The following ZNF329 variants were observed in gnomAD, a reference collection of about 807,000 sequenced individuals.
ZNF329 encodes the protein zinc finger protein 329.
A neutral mutation model predicts 26.6 loss-of-function variants in ZNF329; 15 were observed. That is an observed-to-expected ratio of 0.56 (90% CI 0.38 to 0.87). The LOEUF is 0.87. Ranked by LOEUF, ZNF329 falls within the 40% of genes least tolerant of loss-of-function variation. ZNF329 has a pLI of 0.00. For missense variants in ZNF329, 651 were observed against 651.9 expected (o/e 1.00, Z 0.02); for synonymous variants, 239 against 233.5 (o/e 1.02, Z -0.21).
At chr19:58,152,980 G>C (rs75402884), upstream of ZNF329, among the ~76,000 whole-genome samples, 2 of 152,130 alleles carry the variant, frequency 1.3e-5, no homozygotes, top group Non-Finnish European at 2.9e-5. Flanking sequence ...GAAGAGATGA[G>C]TAAAAGTAAT....
At chr19:58,138,403 A>T (rs1267958904) in intron 3 of ZNF329, among the ~76,000 whole-genome samples, 4 of 152,232 alleles carry the variant, frequency 2.6e-5, no homozygotes, top group Admixed American at 2.0e-4. Flanking sequence ...CATCAGAATC[A>T]TTTACTTTCA....
In ZNF329 at chr19:58,129,115, T is replaced by C. The variant is rs149812983; in HGVS notation, c.389A>G (p.Asn130Ser). The change falls in exon 4 of 4, where the codon AAC becomes AGC. Residue 130 changes from asparagine to serine, a missense_variant. Asn to Ser is a conservative substitution (Grantham distance 46, BLOSUM62 1). Transcript: ENST00000598312. ...TCCATGAATAACTTCCATGGAATGG[T>C]TGAAGCCTTTTCCACAGGCATCACT... ...GDSDACGKGF[N>S]HSMEVIHGRN... The C allele has an allele frequency of 3.7e-5, 60 of 1,613,950 alleles. No homozygotes were observed. The African/African-American group carries it at 4.4e-4, about 12-fold the overall frequency.
chr19:58,126,505 T>G lies in ZNF329; in HGVS notation c.*1373A>C, dbSNP rs2074804195. ...ATAAAACCTTTATAATGGTTCACAG[T>G]GGCTGAATTAGAAGCATCCTAAATG... On this transcript the variant is annotated 3_prime_UTR_variant, in exon 4 of 4. Coordinates refer to ENST00000598312, the MANE Select transcript of ZNF329 (RefSeq NM_024620.4). 6.6e-6 allele frequency: 1 copy of G among 152,236 alleles called. No homozygotes were observed. The highest frequency in any genetic ancestry group is 2.1e-4 in the South Asian group (1 of 4,832). 9.4% of individuals were successfully genotyped at this position (152,236 alleles called of 1,614,324 possible). A position where few individuals can be genotyped will look rare whatever the true frequency, so the allele number is the denominator to read the frequency against.
At chr19:58,147,462 GT>G (rs2075344196) in intron 1 of ZNF329, among the ~76,000 whole-genome samples, 1 of 144,506 alleles carries the variant, frequency 6.9e-6, no homozygotes, top group Admixed American at 6.7e-5. Context: ...CGTCCGGGAG[GT>G]GAGGGGCGCC....
At chr19:58,140,489 T>G (rs1162747159) in intron 3 of ZNF329, among the ~76,000 whole-genome samples, 1 of 150,454 alleles carries the variant, frequency 6.6e-6, no homozygotes, top group African/African-American at 2.5e-5. Flanking sequence ...CTCGGCTCAC[T>G]GCAAGCTCCG....
intron 1 of ZNF329, among the ~76,000 whole-genome samples, chr19:58,149,096 A>G (rs1396231717): frequency 1.3e-5 from 2 of 152,246 alleles, no homozygotes; most frequent in African/African-American, 4.8e-5. Context: ...AAAACCCACC[A>G]AAACCAAGAT....
chr19:58,144,716 T>C (rs1467745315), intron 1 of ZNF329, among the ~76,000 whole-genome samples: 1 of 138,948 alleles, frequency 7.2e-6, no homozygotes, highest in Non-Finnish European at 1.6e-5. Context: ...TTTTTTTTTT[T>C]AAAGAGACAG....
At chr19:58,137,697 C>G (rs1355557172) in intron 3 of ZNF329, among the ~76,000 whole-genome samples, 1 of 151,462 alleles carries the variant, frequency 6.6e-6, no homozygotes, top group Non-Finnish European at 1.5e-5. Flanking sequence ...GACATGGTGG[C>G]TCATACCTGT....
intron 3 of ZNF329, among the ~76,000 whole-genome samples, chr19:58,139,163 A>G (rs1373187395): frequency 6.6e-6 from 1 of 152,120 alleles, no homozygotes; most frequent in Non-Finnish European, 1.5e-5. Flanking sequence ...TGAGGAACAA[A>G]AGGAATGTCC....
chr19:58,145,545 C>T (rs150624560), intron 1 of ZNF329, among the ~76,000 whole-genome samples: 1,862 of 151,984 alleles, frequency 0.012, 46 homozygotes, highest in African/African-American at 0.042. Context: ...TGGTGTTGAA[C>T]TCCTGACCTC....
At chr19:58,142,182 A>C (rs1426721779) in intron 3 of ZNF329, among the ~76,000 whole-genome samples, 7 of 152,234 alleles carry the variant, frequency 4.6e-5, no homozygotes, top group African/African-American at 1.7e-4. Flanking sequence ...TAACAGGCAA[A>C]TCTATAAGAC....
At chr19:58,140,411 TTTC>T (rs1404137565) in intron 3 of ZNF329, among the ~76,000 whole-genome samples, 28 of 107,110 alleles carry the variant, frequency 2.6e-4, no homozygotes, top group African/African-American at 7.4e-4. Context: ...TATAAAACTC[TTTC>T]TTTTTTTTTT....
At position 58,147,768 on chromosome 19, in the gene ZNF329, T is replaced by A. The variant is rs1375374086; in HGVS notation, c.-208+2984A>T. The stretch of plus-strand genomic sequence containing the variant: ...CCAGCCGCCCCGTCCGGGAGGGAGG[T>A]GGGGGGGGTCAGCCCCCCCACCCGG... On this transcript the variant is annotated intron_variant, in intron 1 of 3. Coordinates refer to ENST00000598312, the MANE Select transcript of ZNF329 (RefSeq NM_024620.4). 2.3e-4 allele frequency among the ~76,000 whole-genome samples: 4 copies of A among 17,352 alleles called. No homozygotes were observed. In the East Asian group the frequency reaches 4.8e-3, roughly 21 times the overall value. The allele number at this position is 17,352 out of a possible 152,430, so 11.4% of individuals were successfully genotyped here. A position where few individuals can be genotyped will look rare whatever the true frequency, so the allele number is the denominator to read the frequency against.
chr19:58,128,530 G>T lies in ZNF329; in HGVS notation c.974C>A (p.Thr325Asn). 1 of 1,614,138 alleles carries T rather than the reference G, an allele frequency of 6.2e-7. No homozygotes were observed. The highest frequency in any genetic ancestry group is 8.5e-7 in the Non-Finnish European group (1 of 1,180,006). ...YRCNECGKPFTDISHLTVHLR... is the reference protein window; with the variant it reads ...YRCNECGKPFNDISHLTVHLR... The stretch of plus-strand genomic sequence containing the variant: ...ATGCACTGTAAGGTGGGAGATGTCA[G>T]TGAAGGGTTTCCCACATTCGTTACA... Residue 325 changes from threonine (T) to asparagine (N), a missense_variant, in exon 4 of 4, where the codon ACT (threonine) becomes AAT (asparagine). Transcript: ENST00000598312.
At chr19:58,149,305 G>A (rs919464469) in intron 1 of ZNF329, among the ~76,000 whole-genome samples, 2 of 152,146 alleles carry the variant, frequency 1.3e-5, no homozygotes, top group African/African-American at 4.8e-5. Flanking sequence ...CTATGGAGTA[G>A]CCATTTTTTT....
At chr19:58,150,880 T>C (rs2075439257), upstream of ZNF329, 1 of 152,556 alleles carries the variant, frequency 6.6e-6, no homozygotes, top group Non-Finnish European at 1.5e-5. Flanking sequence ...GGTACCGGGT[T>C]ATTCATTACC....
chr19:58,140,890 T>TTTTTTTTTTTTA (rs1600079406), intron 3 of ZNF329, among the ~76,000 whole-genome samples: 1 of 148,758 alleles, frequency 6.7e-6, no homozygotes, highest in African/African-American at 2.5e-5. Context: ...TTTTTTTTTT[T>TTTTTTTTTTTTA]GAGTTAGAAT....
intron 1 of ZNF329, among the ~76,000 whole-genome samples, chr19:58,144,494 T>C (rs2075262855): frequency 6.6e-6 from 1 of 151,720 alleles, no homozygotes; most frequent in South Asian, 2.1e-4. Context: ...TTCAAGTGAC[T>C]CTCGTGCCTC....
intron 3 of ZNF329, among the ~76,000 whole-genome samples, chr19:58,135,053 AG>A (rs1223886863): frequency 6.6e-6 from 1 of 152,154 alleles, no homozygotes; most frequent in East Asian, 1.9e-4. Flanking sequence ...CTGTTTTTTG[AG>A]GTTTTTTTTT....
Sources: allele counts gnomAD v4.1 joint callset (sites outside exome capture counted in the v4.1 genomes callset), GRCh38; gene constraint gnomAD v4.1.1; transcripts MANE v1.5; gene names NCBI Gene and HGNC (gene_info 2026-07-23, HGNC 2026-07-21).